The following VNN1 variants were observed in gnomAD, a reference collection of about 807,000 sequenced individuals.
The protein encoded by VNN1 is pantetheinase.
VNN1 carries 29 observed loss-of-function variants against 41.9 expected under a neutral mutation model. The ratio of observed to expected loss-of-function variants is 0.69; its 90% CI spans 0.52 to 0.94. The LOEUF is 0.94. Ranked by LOEUF, VNN1 falls within the 40% of genes least tolerant of loss-of-function variation. The pLI, the probability that VNN1 is intolerant of heterozygous loss-of-function variation, is 0.00. For missense variants in VNN1, 637 were observed against 621.1 expected (o/e 1.03, Z -0.27); for synonymous variants, 233 against 224.4 (o/e 1.04, Z -0.34).
intron 2 of VNN1, among the ~76,000 whole-genome samples, chr6:132,708,588 T>C (rs1582778850): frequency 6.6e-6 from 1 of 152,206 alleles, no homozygotes; most frequent in South Asian, 2.1e-4. Context: ...TCTGATTCTA[T>C]GAGAGCAGGG....
At chr6:132,697,575 T>C (rs1778391718) in intron 2 of VNN1, among the ~76,000 whole-genome samples, 5 of 151,934 alleles carry the variant, frequency 3.3e-5, no homozygotes, top group Admixed American at 3.3e-4. Context: ...TGCACAACTC[T>C]GAAATGATAA....
chr6:132,706,807 T>C (rs537461040), intron 2 of VNN1, among the ~76,000 whole-genome samples: 3 of 150,184 alleles, frequency 2.0e-5, no homozygotes, highest in African/African-American at 5.0e-5. Flanking sequence ...AACAACTCTA[T>C]AGGAAAAAAA....
chr6:132,709,819 T>C (rs988754146), intron 2 of VNN1, among the ~76,000 whole-genome samples: 6 of 152,040 alleles, frequency 3.9e-5, no homozygotes, highest in Non-Finnish European at 2.9e-5. Context: ...GAGATGAGGT[T>C]CTAGGGAAAG....
intron 1 of VNN1, among the ~76,000 whole-genome samples, chr6:132,712,831 T>C (rs185037471): frequency 2.6e-5 from 4 of 152,250 alleles, no homozygotes; most frequent in East Asian, 1.9e-4. Flanking sequence ...ACCTTTTAAA[T>C]ATTAGTATAT....
intron 2 of VNN1, among the ~76,000 whole-genome samples, chr6:132,704,498 T>A (rs6938196): frequency 0.47 from 70,824 of 151,898 alleles, 18,570 homozygotes; most frequent in African/African-American, 0.71. Flanking sequence ...AAATTTAAAA[T>A]TTTTATTGAA....
At chr6:132,694,669 A>G (rs1425587571) in intron 2 of VNN1, among the ~76,000 whole-genome samples, 1 of 151,836 alleles carries the variant, frequency 6.6e-6, no homozygotes, top group East Asian at 1.9e-4. Context: ...AGCCTGGGCA[A>G]CAAAGCAAGA....
At position 132,683,586 on chromosome 6, in the gene VNN1, C is replaced by A. The variant is rs544768768; in HGVS notation, c.1360-264G>T. Among the ~76,000 whole-genome samples the A allele has an allele frequency of 5.3e-5, 8 of 152,272 alleles. No homozygotes were observed. In the East Asian group the frequency reaches 1.5e-3, roughly 29 times the overall value. ...GCCGTAAGAGTTAATAAACACAAAC[C>A]AGTGGATTTGGCAGTATACAGAAGA... On this transcript the variant is annotated intron_variant, in intron 6 of 6. Coordinates refer to ENST00000367928, the MANE Select transcript of VNN1 (RefSeq NM_004666.3).
chr6:132,692,417 C>T lies in VNN1; in HGVS notation c.994G>A (p.Glu332Lys). ...TCGAAAAAGACAGTGCCTTTAAATTCCTTGTTTCCTGATGAGAGCGCTTCT... is the reference window on the plus strand; with the variant it reads ...TCGAAAAAGACAGTGCCTTTAAATTTCTTGTTTCCTGATGAGAGCGCTTCT... ...SIEALSSGNKEFKGTVFFDEF... is the reference protein window; with the variant it reads ...SIEALSSGNKKFKGTVFFDEF... The change falls in exon 5 of 7, where the codon GAA (glutamate) becomes AAA (lysine). Residue 332 changes from glutamate to lysine, a missense_variant. Coordinates refer to ENST00000367928, the MANE Select transcript of VNN1 (RefSeq NM_004666.3). 1.2e-6 allele frequency: 2 copies of T among 1,614,122 alleles called. No homozygotes were observed. Among genetic ancestry groups the T allele is most frequent in the Non-Finnish European group, 1.7e-6 (2 of 1,180,024 alleles).
chr6:132,686,001 C>T (rs1778201867), intron 5 of VNN1, among the ~76,000 whole-genome samples: 1 of 152,106 alleles, frequency 6.6e-6, no homozygotes, highest in Admixed American at 6.6e-5. Flanking sequence ...CTAATGCTGT[C>T]AGCAAGGATT....
intron 2 of VNN1, among the ~76,000 whole-genome samples, chr6:132,705,279 A>G (rs1461408622): frequency 6.6e-6 from 1 of 152,276 alleles, no homozygotes; most frequent in Non-Finnish European, 1.5e-5. Flanking sequence ...CCTCAACAAA[A>G]TACTAGCAAA....
At chr6:132,710,677 C>G (rs1214138387) in intron 2 of VNN1, among the ~76,000 whole-genome samples, 2 of 152,106 alleles carry the variant, frequency 1.3e-5, no homozygotes, top group African/African-American at 4.8e-5. Context: ...CCAGCTTTAT[C>G]CATGTCCCTG....
chr6:132,701,387 C>T (rs1778447413), intron 2 of VNN1, among the ~76,000 whole-genome samples: 2 of 152,040 alleles, frequency 1.3e-5, no homozygotes, highest in African/African-American at 4.8e-5. Context: ...AGGAATATAC[C>T]TCAACATAAT....
chr6:132,701,256 C>T (rs1166795872), intron 2 of VNN1, among the ~76,000 whole-genome samples: 1 of 152,106 alleles, frequency 6.6e-6, no homozygotes, highest in Non-Finnish European at 1.5e-5. Context: ...TCAAAACCAA[C>T]ATTTGACTAA....
chr6:132,685,163 C>T (rs1582766489), intron 5 of VNN1, among the ~76,000 whole-genome samples: 1 of 152,206 alleles, frequency 6.6e-6, no homozygotes, highest in Non-Finnish European at 1.5e-5. Flanking sequence ...CTCTATACTG[C>T]GCAAGAACTG....
chr6:132,708,084 G>A (rs1012037979), intron 2 of VNN1, among the ~76,000 whole-genome samples: 2 of 152,088 alleles, frequency 1.3e-5, no homozygotes, highest in African/African-American at 4.8e-5. Context: ...ACCCATGAAA[G>A]TTAAAAATAA....
In VNN1 at chr6:132,681,075, C is replaced by T. The variant is rs1447609070; in HGVS notation, c.*2065G>A. ...CATCCAAAATGGCCCCCATGAAGCC[C>T]CACCTCCTGATATTCTCAACTCTGT... On this transcript the variant is annotated 3_prime_UTR_variant, in exon 7 of 7. Coordinates refer to ENST00000367928, the MANE Select transcript of VNN1 (RefSeq NM_004666.3). Among the ~76,000 whole-genome samples, 1 of 152,058 alleles carries T rather than the reference C, an allele frequency of 6.6e-6. No homozygotes were observed. Among genetic ancestry groups the T allele is most frequent in the African/African-American group, 2.4e-5 (1 of 41,392 alleles).
Position 132,680,904 on chromosome 6 carries a change from GTAGTGCTTTTCAGACGTAAC to G in VNN1, c.*2216_*2235del, listed in dbSNP as rs1778108998. Among the ~76,000 whole-genome samples, 1 of 152,104 alleles carries G rather than the reference GTAGTGCTTTTCAGACGTAAC, an allele frequency of 6.6e-6. No homozygotes were observed. On this transcript the variant is annotated 3_prime_UTR_variant, in exon 7 of 7. Transcript: ENST00000367928. ...TTCAATGTATAGAAAGTTTTTTAGT[GTAGTGCTTTTCAGACGTAAC>G]TATTGGGAGTGTATTTTGAAATACA...
At chr6:132,703,256 G>A (rs543425829) in intron 2 of VNN1, among the ~76,000 whole-genome samples, 43 of 152,234 alleles carry the variant, frequency 2.8e-4, no homozygotes, top group Admixed American at 2.2e-3. Context: ...GACAAACATG[G>A]AGTGTTATAA....
At chr6:132,687,327 T>A (rs1276052219) in intron 5 of VNN1, among the ~76,000 whole-genome samples, 1 of 152,214 alleles carries the variant, frequency 6.6e-6, no homozygotes, top group Non-Finnish European at 1.5e-5. Flanking sequence ...TTCAGACCAG[T>A]GAGTCTCAAA....
Sources: allele counts gnomAD v4.1 joint callset (sites outside exome capture counted in the v4.1 genomes callset), GRCh38; gene constraint gnomAD v4.1.1; transcripts MANE v1.5; gene names NCBI Gene and HGNC (gene_info 2026-07-23, HGNC 2026-07-21).